CTBP2: variants seen among roughly 807,000 people sequenced by gnomAD.
CTBP2 encodes C-terminal-binding protein 2.
In CTBP2, 30 loss-of-function variants were observed where a neutral mutation model predicts 80.3. The observed-to-expected ratio is 0.37, with a 90% CI of 0.28 to 0.51. The LOEUF (loss-of-function observed/expected upper bound fraction) is 0.51. Among genes scored for constraint, CTBP2 ranks in the 20% least tolerant of loss-of-function variants. The probability of loss-of-function intolerance (pLI) is 0.93; values close to 1 mark genes in which losing one functional copy is unlikely to be tolerated. For missense variants in CTBP2, 1,212 were observed against 1,375.3 expected (o/e 0.88, Z 1.88); for synonymous variants, 594 against 587.4 (o/e 1.01, Z -0.16).
chr10:125,031,075 A>C (rs1294312966), upstream of CTBP2, among the ~76,000 whole-genome samples: 2 of 152,186 alleles, frequency 1.3e-5, no homozygotes, highest in African/African-American at 4.8e-5. Flanking sequence ...TTTCTGGCAG[A>C]CACAGGGCAG....
intron 1 of CTBP2, among the ~76,000 whole-genome samples, chr10:125,132,769 C>A (rs572782765): frequency 6.6e-6 from 1 of 152,196 alleles, no homozygotes; most frequent in African/African-American, 2.4e-5. Context: ...ACAAATTCCA[C>A]GACATTCAAG....
At chr10:125,031,357 C>T (rs566255645), upstream of CTBP2, among the ~76,000 whole-genome samples, 39 of 151,738 alleles carry the variant, frequency 2.6e-4, no homozygotes, top group African/African-American at 8.5e-4. Context: ...GGCGTGGTGG[C>T]GGGTGCCTGT....
At chr10:124,994,436 C>A (rs976164119) in intron 5 of CTBP2, 33 bp downstream of exon 7, 10 of 1,606,786 alleles carry the variant, frequency 6.2e-6, no homozygotes, top group Non-Finnish European at 7.7e-6. Context: ...CACCTTTCGA[C>A]AGAAGCTTCC....
intron 2 of CTBP2, among the ~76,000 whole-genome samples, chr10:125,097,776 C>A (rs1372232128): frequency 2.3e-4 from 35 of 152,084 alleles, no homozygotes; most frequent in Non-Finnish European, 3.8e-4. Flanking sequence ...CTCTGTAGTT[C>A]CTACTTTTTG....
At chr10:125,009,341 C>T (rs1353115086) in intron 1 of CTBP2, among the ~76,000 whole-genome samples, 1 of 152,160 alleles carries the variant, frequency 6.6e-6, no homozygotes, top group African/African-American at 2.4e-5. Flanking sequence ...GCCGGTGTGG[C>T]TCCCAGCCTC....
In CTBP2 at chr10:125,092,176, C is replaced by CTTTTTTT. The variant is rs71029238; in HGVS notation, c.-102+18807_-102+18813dup. ...AGCATGGTTTCCTTGTCTGAAGATTCTTTTTTTTTTTTTTTTTTTTTTTGA... is the reference window on the plus strand; with the variant it reads ...AGCATGGTTTCCTTGTCTGAAGATTCTTTTTTTTTTTTTTTTTTTTTTTTTTTTTTGA... On this transcript the variant is annotated intron_variant, in intron 2 of 10. Coordinates refer to the CTBP2 transcript ENST00000337195. Among the ~76,000 whole-genome samples, 60 of 87,126 alleles carry CTTTTTTT rather than the reference C, an allele frequency of 6.9e-4. 2 individuals are homozygous for CTTTTTTT. Among genetic ancestry groups the CTTTTTTT allele is most frequent in the African/African-American group, 2.3e-3 (54 of 23,440 alleles). The allele number at this position is 87,126 out of a possible 152,430, so 57.2% of individuals were successfully genotyped here. A position where few individuals can be genotyped will look rare whatever the true frequency, so the allele number is the denominator to read the frequency against.
chr10:125,125,662 A>T (rs1189199466), intron 1 of CTBP2, among the ~76,000 whole-genome samples: 1 of 152,248 alleles, frequency 6.6e-6, no homozygotes, highest in Non-Finnish European at 1.5e-5. Flanking sequence ...TGATAGAGTG[A>T]ATGGGACACT....
chr10:125,002,036 GGA>G (rs1422996058), intron 3 of CTBP2, among the ~76,000 whole-genome samples: 4 of 152,210 alleles, frequency 2.6e-5, no homozygotes, highest in Non-Finnish European at 5.9e-5. Flanking sequence ...TTAGCCGATG[GGA>G]GAGAGGTGGG....
At chr10:125,141,601 G>A (rs1427310114) in intron 1 of CTBP2, among the ~76,000 whole-genome samples, 8 of 151,914 alleles carry the variant, frequency 5.3e-5, no homozygotes, top group Non-Finnish European at 1.0e-4. Flanking sequence ...AGGAAGCAGG[G>A]AGACAGCACA....
chr10:125,081,334 G>C (rs117396339), intron 2 of CTBP2, among the ~76,000 whole-genome samples: 2 of 152,196 alleles, frequency 1.3e-5, no homozygotes, highest in Admixed American at 6.5e-5. Flanking sequence ...ATCTTATTGG[G>C]ACTACTGGCA....
intron 3 of CTBP2, among the ~76,000 whole-genome samples, chr10:125,038,019 C>T (rs566154707): frequency 4.6e-5 from 7 of 152,190 alleles, no homozygotes; most frequent in African/African-American, 1.2e-4. Context: ...AACCCTTTAA[C>T]GCCAAACTCC....
upstream of CTBP2, among the ~76,000 whole-genome samples, chr10:125,161,841 G>A (rs1243699271): frequency 2.0e-5 from 3 of 152,216 alleles, no homozygotes; most frequent in African/African-American, 2.4e-5. Context: ...CCGCGACTCG[G>A]GGTCCTGGGC....
intron 1 of CTBP2, among the ~76,000 whole-genome samples, chr10:125,021,134 C>T (rs3781421): frequency 0.19 from 29,645 of 152,034 alleles, 3,544 homozygotes; most frequent in Non-Finnish European, 0.26. Flanking sequence ...CCTGAGACCC[C>T]GAGGGCCTCA....
chr10:125,158,448 C>G (rs1171595716), intron 1 of CTBP2, among the ~76,000 whole-genome samples: 1 of 152,176 alleles, frequency 6.6e-6, no homozygotes, highest in African/African-American at 2.4e-5. Flanking sequence ...TAAAAATATA[C>G]CAGTCTCTAG....
At chr10:125,044,888 A>G (rs1420930990) in intron 2 of CTBP2, among the ~76,000 whole-genome samples, 3 of 152,240 alleles carry the variant, frequency 2.0e-5, no homozygotes, top group South Asian at 2.1e-4. Context: ...ACCACAATTA[A>G]TAACAAAATT....
rs992223399 is a variant in CTBP2 at position 125,005,995 on chromosome 10, C to T, written c.1679-2503G>A. On this transcript the variant is annotated intron_variant, in intron 1 of 8. Coordinates refer to ENST00000309035, the MANE Select transcript of CTBP2 (RefSeq NM_022802.3). ...CAGAGCCGCTGATGCGTCTGGGGAG[C>T]CTGAGAGGCCATTGTCACAAGATGT... 2.8e-6 allele frequency: 4 copies of T among 1,438,762 alleles called. No homozygotes were observed. In the African/African-American group the frequency reaches 4.3e-5, roughly 15 times the overall value. 89.1% of individuals were successfully genotyped at this position (1,438,762 alleles called of 1,614,324 possible).
chr10:124,990,857 CT>C (rs1395352153), intron 8 of CTBP2, among the ~76,000 whole-genome samples: 1 of 152,248 alleles, frequency 6.6e-6, no homozygotes, highest in Admixed American at 6.5e-5. Context: ...GGTCTGCTGC[CT>C]GGCCGTCACC....
chr10:125,089,949 C>T (rs1005419660), intron 2 of CTBP2, among the ~76,000 whole-genome samples: 4 of 152,152 alleles, frequency 2.6e-5, no homozygotes, highest in Admixed American at 2.6e-4. Flanking sequence ...TCCGACTAGG[C>T]TGCACCCTTC....
At chr10:125,014,361 T>C (rs934130560) in intron 1 of CTBP2, among the ~76,000 whole-genome samples, 2 of 152,178 alleles carry the variant, frequency 1.3e-5, no homozygotes, top group Non-Finnish European at 2.9e-5. Flanking sequence ...CTGAGGCAGG[T>C]GGATCCCTTG....
Sources: allele counts gnomAD v4.1 joint callset (sites outside exome capture counted in the v4.1 genomes callset), GRCh38; gene constraint gnomAD v4.1.1; transcripts MANE v1.5; gene names NCBI Gene and HGNC (gene_info 2026-07-23, HGNC 2026-07-21).